Variants in TP73 observed in about 807,000 individuals in gnomAD.
TP73 encodes the protein tumor protein p73.
A neutral mutation model predicts 62.5 loss-of-function variants in TP73; 25 were observed. The ratio of observed to expected loss-of-function variants is 0.40; its 90% CI spans 0.29 to 0.56. The LOEUF is 0.56. TP73 is among the 20% of genes least tolerant of loss of function. The pLI, the probability that TP73 is intolerant of heterozygous loss-of-function variation, is 0.46. For synonymous variants in TP73, 423 were observed against 377.5 expected, an observed-to-expected ratio of 1.12 and a Z score of -1.40; for missense variants, 754 against 913.3, an observed-to-expected ratio of 0.83 and a Z score of 2.25.
chr1:3,690,490 G>A (rs1645786315), intron 3 of TP73, among the ~76,000 whole-genome samples: 1 of 152,232 alleles, frequency 6.6e-6, no homozygotes, highest in Non-Finnish European at 1.5e-5. Context: ...TCCCCAGGCA[G>A]GCAGCATCTC....
intron 1 of TP73, among the ~76,000 whole-genome samples, chr1:3,656,204 A>C (rs908735235): frequency 6.6e-5 from 10 of 151,684 alleles, no homozygotes; most frequent in Non-Finnish European, 1.5e-4. Flanking sequence ...CCCTCTGCTC[A>C]TTGGCATTTG....
rs1378821306 is a variant in TP73 at position 3,666,329 on chromosome 1, C to A, written c.-34+13688C>A. On this transcript the variant is annotated intron_variant, in intron 1 of 13. Transcript: ENST00000378295. The surrounding 1 kb of genome is among the most constrained non-coding windows in gnomAD (Gnocchi z 6.4). ...GTTAATTTAGTTTTGTTGTTTCTTG[C>A]TTTTAGAGACAGGGTCTTGCTATGT... Among the ~76,000 whole-genome samples, 2 of 152,076 alleles carry A rather than the reference C, an allele frequency of 1.3e-5. No individual in the cohort carries two copies. Among genetic ancestry groups the A allele is most frequent in the African/African-American group, 2.4e-5 (1 of 41,402 alleles).
intron 3 of TP73, among the ~76,000 whole-genome samples, chr1:3,698,978 G>A (rs1047477533): frequency 2.6e-5 from 4 of 152,194 alleles, no homozygotes; most frequent in African/African-American, 9.7e-5. Flanking sequence ...GGTGTGGAAA[G>A]TTCCACATGG....
chr1:3,716,297 C>T (rs1372899090), intron 4 of TP73, among the ~76,000 whole-genome samples: 1 of 152,230 alleles, frequency 6.6e-6, no homozygotes, highest in Admixed American at 6.5e-5. Flanking sequence ...CAGCCAGGAG[C>T]TCTTTCACAG....
At chr1:3,657,725 G>A (rs12089203) in intron 1 of TP73, among the ~76,000 whole-genome samples, 2 of 152,154 alleles carry the variant, frequency 1.3e-5, no homozygotes, top group South Asian at 2.1e-4. Context: ...CTTGGAACCC[G>A]GACACTGAAG....
intron 3 of TP73, among the ~76,000 whole-genome samples, chr1:3,695,182 C>T (rs768944614): frequency 9.9e-5 from 15 of 152,220 alleles, no homozygotes; most frequent in East Asian, 7.7e-4. Flanking sequence ...AGGAAGGAGC[C>T]GATGGCTGGA....
chr1:3,719,890 T>TTGTGTGTGTG (rs5772122), intron 4 of TP73, among the ~76,000 whole-genome samples: 4,662 of 132,158 alleles, frequency 0.035, 137 homozygotes, highest in African/African-American at 0.079. Context: ...TTTTTTCTCT[T>TTGTGTGTGTG]TGTGTGTGTG....
At chr1:3,671,919 AG>A (rs1645250519) in intron 1 of TP73, among the ~76,000 whole-genome samples, 1 of 151,106 alleles carries the variant, frequency 6.6e-6, no homozygotes, top group Non-Finnish European at 1.5e-5. Flanking sequence ...GGGAGGTCAC[AG>A]GGCTGAGCGG....
At chr1:3,691,057 C>T (rs902419826) in intron 3 of TP73, 4 of 1,463,688 alleles carry the variant, frequency 2.7e-6, no homozygotes, top group Non-Finnish European at 3.7e-6. Flanking sequence ...CTGGAGTCTG[C>T]TGCCAGTTGG....
chr1:3,702,014 C>T (rs1028525605), intron 3 of TP73, among the ~76,000 whole-genome samples: 5 of 152,104 alleles, frequency 3.3e-5, no homozygotes, highest in Admixed American at 2.6e-4. Context: ...AGGATGGTGG[C>T]GTAGGGGCAT....
intron 4 of TP73, among the ~76,000 whole-genome samples, chr1:3,710,147 G>T (rs1186984238): frequency 6.9e-6 from 1 of 144,642 alleles, no homozygotes; most frequent in Non-Finnish European, 1.5e-5. Flanking sequence ...CCCAGCAGAG[G>T]AGCAGTGACA....
In TP73 at chr1:3,728,121, C is replaced by T; in HGVS notation, c.986-8C>T. 1.2e-6 allele frequency: 2 copies of T among 1,608,022 alleles called. No individual in the cohort carries two copies. The highest frequency in any genetic ancestry group is 1.7e-6 in the Non-Finnish European group (2 of 1,179,072). Reference sequence around the variant, plus strand: ...TGCTCACCCCGCCTGCCCTGCCTGGCCTTCCAGCCTTCAAGCAGAGCCCCC... The same window carrying T: ...TGCTCACCCCGCCTGCCCTGCCTGGTCTTCCAGCCTTCAAGCAGAGCCCCC... On this transcript the variant is annotated splice_polypyrimidine_tract_variant and splice_region_variant and intron_variant, in intron 8 of 13. Coordinates refer to ENST00000378295, the MANE Select transcript of TP73 (RefSeq NM_005427.4).
intron 1 of TP73, among the ~76,000 whole-genome samples, chr1:3,671,671 T>C (rs1010352522): frequency 1.3e-5 from 2 of 152,224 alleles, no homozygotes; most frequent in Non-Finnish European, 2.9e-5. Flanking sequence ...TCTCGGGGCC[T>C]CTGGGAACAC....
intron 6 of TP73, among the ~76,000 whole-genome samples, chr1:3,725,579 T>G (rs1570619178): frequency 1.2e-4 from 7 of 57,194 alleles, no homozygotes; most frequent in African/African-American, 2.4e-4. Context: ...AATGGATGGA[T>G]GGGTGGGTGG....
rs1240298337 is a variant in TP73 at position 3,666,196 on chromosome 1, T to A, written c.-34+13555T>A. On this transcript the variant is annotated intron_variant, in intron 1 of 13. Coordinates refer to ENST00000378295, the MANE Select transcript of TP73 (RefSeq NM_005427.4). The surrounding 1 kb of genome is among the most constrained non-coding windows in gnomAD (Gnocchi z 6.4). ...TCTCACTCTGCAGCCTAGGCTGGTG[T>A]GCAGTGGTGCAGTCACAGCTGACCA... is the stretch of plus-strand genomic sequence containing the variant. Among the ~76,000 whole-genome samples the A allele has an allele frequency of 6.8e-6, 1 of 147,426 alleles. No homozygotes were observed. The highest frequency in any genetic ancestry group is 1.5e-5 in the Non-Finnish European group (1 of 67,176).
At chr1:3,708,942 C>T (rs1047474996) in intron 4 of TP73, among the ~76,000 whole-genome samples, 2 of 152,136 alleles carry the variant, frequency 1.3e-5, no homozygotes, top group African/African-American at 4.8e-5. Context: ...GGCCGCATTC[C>T]CACCCCCTGT....
At chr1:3,700,558 A>G (rs2124339633) in intron 3 of TP73, among the ~76,000 whole-genome samples, 1 of 152,302 alleles carries the variant, frequency 6.6e-6, no homozygotes, top group Middle Eastern at 3.4e-3. Flanking sequence ...GCACTTTGGG[A>G]GGCTGAGGTG....
At chr1:3,700,196 G>C (rs184923342) in intron 3 of TP73, among the ~76,000 whole-genome samples, 1 of 144,178 alleles carries the variant, frequency 6.9e-6, no homozygotes, top group African/African-American at 2.6e-5. Flanking sequence ...TGCCTTCCCC[G>C]CCTCACATCT....
chr1:3,677,109 G>C (rs568906771), intron 1 of TP73, among the ~76,000 whole-genome samples: 7 of 152,174 alleles, frequency 4.6e-5, no homozygotes, highest in African/African-American at 1.4e-4. Context: ...GGTTTTCTGG[G>C]CCACACAGTC....
Sources: gnomAD v4.1 joint callset for allele counts (sites outside exome capture counted in the v4.1 genomes callset) on GRCh38, gnomAD v4.1.1 for gene constraint, Gnocchi (gnomAD v3.1) non-coding constraint, MANE v1.5 for transcripts, NCBI Gene and HGNC (gene_info 2026-07-23, HGNC 2026-07-21) for gene names.